PCDHA7: variants seen among roughly 807,000 people sequenced by gnomAD.
PCDHA7 encodes the protein protocadherin alpha 7.
PCDHA7 carries 37 observed loss-of-function variants against 57.2 expected under a neutral mutation model. The ratio of observed to expected loss-of-function variants is 0.65; its 90% CI spans 0.50 to 0.85. The LOEUF (loss-of-function observed/expected upper bound fraction) is 0.85. Among genes scored for constraint, PCDHA7 ranks in the 40% least tolerant of loss-of-function variants. The pLI, the probability that PCDHA7 is intolerant of heterozygous loss-of-function variation, is 0.00. For synonymous variants in PCDHA7, 553 were observed against 558.8 expected (o/e 0.99, Z 0.15); for missense variants, 1,188 against 1,241.8 (o/e 0.96, Z 0.65).
intron 3 of PCDHA7, among the ~76,000 whole-genome samples, chr5:141,007,067 G>A (rs1352139121): frequency 1.3e-5 from 2 of 152,164 alleles, no homozygotes; most frequent in African/African-American, 4.8e-5. Flanking sequence ...AAAGGAGAGA[G>A]TGAAGAGAAA....
chr5:140,895,603 T>C (rs2065070404), intron 1 of PCDHA7, among the ~76,000 whole-genome samples: 1 of 152,156 alleles, frequency 6.6e-6, no homozygotes, highest in African/African-American at 2.4e-5. Context: ...TTTGCAAAGA[T>C]TTTCTCATTG....
Position 141,012,283 on chromosome 5 carries a change from AT to A in PCDHA7, c.*2350del, listed in dbSNP as rs1313163740. 6.5e-6 allele frequency: 1 copy of A among 153,798 alleles called. No homozygotes were observed. Among genetic ancestry groups the A allele is most frequent in the Non-Finnish European group, 1.5e-5 (1 of 68,046 alleles). The allele number at this position is 153,798 out of a possible 1,614,324, so 9.5% of individuals were successfully genotyped here. ...AGGATAAAACACGTCATGTGGATTC[AT>A]TTTGAATTGGTGCTATTGGTATTTC... On this transcript the variant is annotated 3_prime_UTR_variant, in exon 4 of 4. Coordinates refer to ENST00000525929, the MANE Select transcript of PCDHA7 (RefSeq NM_018910.3).
chr5:140,878,047 G>A lies in PCDHA7; in HGVS notation c.2355+41309G>A, dbSNP rs574540860. On this transcript the variant is annotated intron_variant, in intron 1 of 3. Transcript: ENST00000525929. Reference sequence around the variant, plus strand: ...ATGTAGGTACAATGGAGGCCATGGAGCACCACACTTAATATTTTTCTTTTT... The same window carrying A: ...ATGTAGGTACAATGGAGGCCATGGAACACCACACTTAATATTTTTCTTTTT... The A allele has an allele frequency of 1.7e-4, 84 of 491,464 alleles. No homozygotes were observed. In the South Asian group the frequency reaches 4.9e-3, roughly 29 times the overall value. 30.4% of individuals were successfully genotyped at this position (491,464 alleles called of 1,614,324 possible).
chr5:140,906,023 G>A (rs952070346), intron 1 of PCDHA7, among the ~76,000 whole-genome samples: 7 of 152,128 alleles, frequency 4.6e-5, no homozygotes, highest in Admixed American at 3.3e-4. Flanking sequence ...ATCTCTCCAC[G>A]TTCTTCTGTC....
intron 1 of PCDHA7, chr5:140,927,790 G>C: frequency 6.2e-7 from 1 of 1,614,218 alleles, no homozygotes; most frequent in Non-Finnish European, 8.5e-7. Flanking sequence ...TGCTTCACTA[G>C]GTCCGCCTGA....
In PCDHA7 at chr5:140,843,765, A is replaced by G. The variant is rs2150366342; in HGVS notation, c.2355+7027A>G. 3 of 1,487,856 alleles carry G rather than the reference A, an allele frequency of 2.0e-6. No homozygotes were observed. In the South Asian group the frequency reaches 3.6e-5, roughly 18 times the overall value. The allele number at this position is 1,487,856 out of a possible 1,614,324, so 92.2% of individuals were successfully genotyped here. On this transcript the variant is annotated intron_variant, in intron 1 of 3. Transcript: ENST00000525929. ...CATAAATTCTATTTGTGGAAATTGT[A>G]GTTACTTTAAAAGTGTTTCAGATTT...
chr5:140,863,219 G>T, intron 1 of PCDHA7: 1 of 1,108,786 alleles, frequency 9.0e-7, no homozygotes. Flanking sequence ...AGCCAAGCGA[G>T]GAAGGTCCCA....
intron 3 of PCDHA7, among the ~76,000 whole-genome samples, chr5:140,991,094 A>G (rs144874764): frequency 9.8e-4 from 150 of 152,358 alleles, no homozygotes; most frequent in African/African-American, 3.5e-3. Context: ...ATTAAAGCTC[A>G]TAAGAATTAA....
rs781974273 is a variant in PCDHA7, at chr5:140,871,561, T to TC, written c.2355+34824dup. 4.7e-6 allele frequency: 7 copies of TC among 1,485,828 alleles called. No homozygotes were observed. In the African/African-American group the frequency reaches 9.9e-5, roughly 21 times the overall value. 92.0% of individuals were successfully genotyped at this position (1,485,828 alleles called of 1,614,324 possible). ...AAATTATTTAAAATCCAGTTTTTTT[T>TC]CACGGATTTTTTAAGGGAAAGTTTT... is the stretch of plus-strand genomic sequence containing the variant. On this transcript the variant is annotated intron_variant, in intron 1 of 3. Coordinates refer to ENST00000525929, the MANE Select transcript of PCDHA7 (RefSeq NM_018910.3).
At chr5:140,904,314 T>C (rs1554191432) in intron 1 of PCDHA7, among the ~76,000 whole-genome samples, 1 of 152,080 alleles carries the variant, frequency 6.6e-6, no homozygotes, top group Admixed American at 6.6e-5. Flanking sequence ...TTTCTTCACT[T>C]AGAATAATGG....
intron 1 of PCDHA7, among the ~76,000 whole-genome samples, chr5:140,943,373 A>G (rs1554215633): frequency 6.6e-6 from 1 of 152,128 alleles, no homozygotes; most frequent in East Asian, 1.9e-4. Flanking sequence ...TCATTAAAAT[A>G]TACAGGTAAG....
chr5:140,921,721 C>A (rs2080351320), intron 1 of PCDHA7, among the ~76,000 whole-genome samples: 2 of 152,068 alleles, frequency 1.3e-5, no homozygotes, highest in African/African-American at 4.8e-5. Context: ...ACACGAATTA[C>A]TCCCATAAAA....
intron 1 of PCDHA7, chr5:140,927,761 G>C (rs1554205028): frequency 6.2e-7 from 1 of 1,614,102 alleles, no homozygotes. Flanking sequence ...CACCCTAAAA[G>C]TGGGGAGGTG....
intron 1 of PCDHA7, among the ~76,000 whole-genome samples, chr5:140,963,991 A>G (rs1232646749): frequency 1.3e-5 from 2 of 152,190 alleles, no homozygotes; most frequent in Admixed American, 6.5e-5. Context: ...ATTCCTAATT[A>G]CTGTGTTCTA....
intron 1 of PCDHA7, chr5:140,878,069 T>C: frequency 5.3e-6 from 2 of 379,294 alleles, no homozygotes; most frequent in East Asian, 5.0e-5. Flanking sequence ...ATATTTTTCT[T>C]TTTCTATAAT....
chr5:140,845,159 A>G (rs1332368561), intron 1 of PCDHA7, among the ~76,000 whole-genome samples: 4 of 149,530 alleles, frequency 2.7e-5, no homozygotes, highest in Non-Finnish European at 1.5e-5. Context: ...TGTAAAAGCG[A>G]ATTGTTTTCA....
Position 140,884,467 on chromosome 5 carries a change from G to C in PCDHA7, c.2355+47729G>C, listed in dbSNP as rs199814121. 11 of 1,613,778 alleles carry C rather than the reference G, an allele frequency of 6.8e-6. No homozygotes were observed. The South Asian group carries it at 8.8e-5, about 13-fold the overall frequency. On this transcript the variant is annotated intron_variant, in intron 1 of 3. Transcript: ENST00000525929. ...CACCGCCCACCGAGGGCGCGTGCGC[G>C]CCGGGCAAGCCCACTCTAGTGTGCT...
At chr5:140,914,583 A>C (rs1583912822) in intron 1 of PCDHA7, among the ~76,000 whole-genome samples, 1 of 151,992 alleles carries the variant, frequency 6.6e-6, no homozygotes, top group East Asian at 1.9e-4. Flanking sequence ...CAATAATTTC[A>C]TTTAAGTAGG....
intron 1 of PCDHA7, among the ~76,000 whole-genome samples, chr5:140,974,081 C>T (rs1432185201): frequency 6.6e-6 from 1 of 152,196 alleles, no homozygotes; most frequent in African/African-American, 2.4e-5. Context: ...ATAACCATGA[C>T]TTCAAAAATC....
Sources: allele counts gnomAD v4.1 joint callset (sites outside exome capture counted in the v4.1 genomes callset), GRCh38; gene constraint gnomAD v4.1.1; transcripts MANE v1.5; gene names NCBI Gene and HGNC (gene_info 2026-07-23, HGNC 2026-07-21).